Variants in SLC7A8 observed in about 807,000 individuals in gnomAD.
The protein encoded by SLC7A8 is large neutral amino acids transporter small subunit 2.
A neutral mutation model predicts 51.2 loss-of-function variants in SLC7A8; 30 were observed. That is an observed-to-expected ratio of 0.59 (90% CI 0.44 to 0.80). The LOEUF is 0.80. Ranked by LOEUF, SLC7A8 falls within the 30% of genes least tolerant of loss-of-function variation. The pLI is 0.00. For missense variants in SLC7A8, 612 were observed against 674.4 expected (o/e 0.91, Z 1.03); for synonymous variants, 257 against 275.8 (o/e 0.93, Z 0.67).
In SLC7A8 at chr14:23,127,063, C is replaced by G; in HGVS notation, c.*114G>C. 1 of 1,337,998 alleles carries G rather than the reference C, an allele frequency of 7.5e-7. No homozygotes were observed. The highest frequency in any genetic ancestry group is 1.3e-5 in the South Asian group (1 of 75,300). The allele number at this position is 1,337,998 out of a possible 1,614,324, so 82.9% of individuals were successfully genotyped here. A position where few individuals can be genotyped will look rare whatever the true frequency, so the allele number is the denominator to read the frequency against. On this transcript the variant is annotated 3_prime_UTR_variant, in exon 11 of 11. Transcript: ENST00000316902. ...CACCCACACCAAAGTCCTACCACTG[C>G]CTGACAAAAGCAGAGAGAGGGGTGT...
intron 1 of SLC7A8, among the ~76,000 whole-genome samples, chr14:23,174,792 C>T (rs977872927): frequency 4.6e-5 from 7 of 152,162 alleles, no homozygotes; most frequent in Admixed American, 2.6e-4. Context: ...GCTCTGTAGA[C>T]GCGTTCTGGA....
At position 23,183,658 on chromosome 14, in the gene SLC7A8, A is replaced by G. The variant is rs1467906041; in HGVS notation, c.-744T>C. ...TTTCGGGAGAGTGGCTTCTCCACACACTAACGTGCTTCTCTTTAGCGAGGG... is the reference window on the plus strand; with the variant it reads ...TTTCGGGAGAGTGGCTTCTCCACACGCTAACGTGCTTCTCTTTAGCGAGGG... On this transcript the variant is annotated 5_prime_UTR_variant, in exon 1 of 11. Coordinates refer to ENST00000316902, the MANE Select transcript of SLC7A8 (RefSeq NM_012244.4). 6.6e-6 allele frequency: 1 copy of G among 151,976 alleles called. No individual in the cohort carries two copies. Among genetic ancestry groups the G allele is most frequent in the Non-Finnish European group, 1.5e-5 (1 of 68,068 alleles). The allele number at this position is 151,976 out of a possible 1,614,324, so 9.4% of individuals were successfully genotyped here.
chr14:23,163,341 G>A (rs749475315), intron 3 of SLC7A8, among the ~76,000 whole-genome samples: 3 of 152,222 alleles, frequency 2.0e-5, no homozygotes, highest in Non-Finnish European at 4.4e-5. Context: ...TAGAAATGGT[G>A]GACTGGAGAT....
intron 3 of SLC7A8, among the ~76,000 whole-genome samples, chr14:23,161,681 A>T (rs999705107): frequency 2.0e-5 from 3 of 152,118 alleles, no homozygotes; most frequent in African/African-American, 4.8e-5. Context: ...CAGTGGCCTC[A>T]CTTTGGGAGG....
intron 1 of SLC7A8, among the ~76,000 whole-genome samples, chr14:23,169,440 C>T (rs892759199): frequency 1.3e-5 from 2 of 152,174 alleles, no homozygotes; most frequent in Admixed American, 1.3e-4. Context: ...TAGGGAACAG[C>T]CTGTCGCCCA....
At chr14:23,154,409 T>A (rs1387782365) in intron 3 of SLC7A8, 1 of 994,730 alleles carries the variant, frequency 1.0e-6, no homozygotes, top group African/African-American at 1.7e-5. Context: ...TTGGAGCCGC[T>A]GGGCAGGGAA....
chr14:23,181,230 A>G (rs547142594), intron 1 of SLC7A8, among the ~76,000 whole-genome samples: 1 of 152,336 alleles, frequency 6.6e-6, no homozygotes, highest in South Asian at 2.1e-4. Context: ...TGTGCTATAC[A>G]TACTGAATAC....
chr14:23,135,854 G>A (rs2048685577), intron 7 of SLC7A8, among the ~76,000 whole-genome samples: 1 of 152,180 alleles, frequency 6.6e-6, no homozygotes, highest in South Asian at 2.1e-4. Flanking sequence ...TTGAAAATAT[G>A]TACATCTATT....
intron 7 of SLC7A8, 126 bp from the exon 8 acceptor site, chr14:23,131,683 A>C: frequency 1.6e-6 from 1 of 619,622 alleles, no homozygotes; most frequent in Non-Finnish European, 2.7e-6. Context: ...CCGCCTTCAC[A>C]TGCATACTTT....
At chr14:23,144,639 T>G (rs1449287117) in intron 3 of SLC7A8, among the ~76,000 whole-genome samples, 1 of 152,210 alleles carries the variant, frequency 6.6e-6, no homozygotes, top group Non-Finnish European at 1.5e-5. Context: ...TATTTGATGC[T>G]GAGAACATTT....
intron 3 of SLC7A8, among the ~76,000 whole-genome samples, chr14:23,163,302 T>C (rs950561460): frequency 6.6e-6 from 1 of 151,854 alleles, no homozygotes; most frequent in African/African-American, 2.4e-5. Context: ...GGTGGACGAG[T>C]GATTTTGCCC....
intron 3 of SLC7A8, among the ~76,000 whole-genome samples, chr14:23,163,291 G>A (rs1594837207): frequency 6.6e-6 from 1 of 152,202 alleles, no homozygotes; most frequent in Non-Finnish European, 1.5e-5. Flanking sequence ...TCTCACAGTA[G>A]GGTGGACGAG....
At chr14:23,132,683 T>G (rs557082073) in intron 7 of SLC7A8, among the ~76,000 whole-genome samples, 2 of 151,708 alleles carry the variant, frequency 1.3e-5, no homozygotes, top group South Asian at 4.2e-4. Context: ...TTGCCCAGGC[T>G]GGAGTGCAAT....
At chr14:23,177,511 A>T (rs2140341510) in intron 1 of SLC7A8, among the ~76,000 whole-genome samples, 1 of 152,310 alleles carries the variant, frequency 6.6e-6, no homozygotes, top group Middle Eastern at 3.4e-3. Context: ...TGATTCACAA[A>T]TTGTTCTTTG....
chr14:23,135,270 T>C (rs894376013), intron 7 of SLC7A8, among the ~76,000 whole-genome samples: 2 of 151,786 alleles, frequency 1.3e-5, no homozygotes, highest in Non-Finnish European at 2.9e-5. Flanking sequence ...GTATTTTTTT[T>C]AGTAGAGGTG....
intron 1 of SLC7A8, among the ~76,000 whole-genome samples, chr14:23,175,836 C>G (rs2048996682): frequency 6.6e-6 from 1 of 152,174 alleles, no homozygotes; most frequent in Non-Finnish European, 1.5e-5. Context: ...TGGTGGGAAT[C>G]TAGGCTCTAC....
chr14:23,136,807 G>A (rs541539431), intron 7 of SLC7A8, among the ~76,000 whole-genome samples: 8 of 152,334 alleles, frequency 5.3e-5, no homozygotes, highest in Admixed American at 1.3e-4. Flanking sequence ...GGAGCCTCAC[G>A]GGTCACTGTT....
chr14:23,163,700 T>C (rs560613872), intron 3 of SLC7A8, among the ~76,000 whole-genome samples: 1 of 152,296 alleles, frequency 6.6e-6, no homozygotes, highest in East Asian at 1.9e-4. Context: ...GTATGTGTGT[T>C]AGAAGCTATG....
intron 1 of SLC7A8, among the ~76,000 whole-genome samples, chr14:23,173,168 G>C (rs1041262167): frequency 1.1e-4 from 16 of 152,218 alleles, no homozygotes; most frequent in Non-Finnish European, 1.3e-4. Context: ...GTGAGACACA[G>C]TGCCTGGTTT....
Sources: allele counts gnomAD v4.1 joint callset (sites outside exome capture counted in the v4.1 genomes callset), GRCh38; gene constraint gnomAD v4.1.1; transcripts MANE v1.5; gene names NCBI Gene and HGNC (gene_info 2026-07-23, HGNC 2026-07-21).